SLC26A7: variants seen among roughly 807,000 people sequenced by gnomAD.
SLC26A7 encodes anion exchange transporter.
Under a neutral mutation model 82.5 loss-of-function variants are expected in SLC26A7, and 59 were observed. That is an observed-to-expected ratio of 0.72 (90% CI 0.58 to 0.89). SLC26A7 has a LOEUF of 0.89. SLC26A7 is among the 40% of genes least tolerant of loss of function. SLC26A7 has a pLI of 0.00. For missense variants in SLC26A7, 820 were observed against 793.0 expected (o/e 1.03, Z -0.41); for synonymous variants, 271 against 274.3 (o/e 0.99, Z 0.12).
intron 4 of SLC26A7, among the ~76,000 whole-genome samples, chr8:91,305,127 T>C (rs1812268636): frequency 6.6e-6 from 1 of 152,178 alleles, no homozygotes; most frequent in South Asian, 2.1e-4. Flanking sequence ...GTCTCTATAA[T>C]TCCAACAGCT....
intron 1 of SLC26A7, chr8:91,209,559 A>G (rs569523444): frequency 2.8e-4 from 43 of 152,392 alleles, no homozygotes; most frequent in African/African-American, 9.9e-4. Flanking sequence ...GTGCTATAGA[A>G]TATTCTTTGG....
chr8:91,292,287 G>A (rs1310492278), intron 3 of SLC26A7, among the ~76,000 whole-genome samples: 13 of 149,516 alleles, frequency 8.7e-5, no homozygotes, highest in African/African-American at 3.0e-4. Flanking sequence ...GCCTGGGCGA[G>A]AGTGCGAGAC....
At position 91,333,959 on chromosome 8, in the gene SLC26A7, G is replaced by T. The variant is rs80041532; in HGVS notation, c.643-336G>T. Among the ~76,000 whole-genome samples the T allele has an allele frequency of 2.8e-3, 429 of 152,254 alleles. 3 individuals are homozygous for T. The highest frequency in any genetic ancestry group is 9.8e-3 in the African/African-American group (408 of 41,544). On this transcript the variant is annotated intron_variant, in intron 5 of 18. Transcript: ENST00000276609. ...TTGGGGAACCCATGGTCCCCTGACC[G>T]CTGTTAATGATGAATCTGCATATAA... is the stretch of plus-strand genomic sequence containing the variant.
At chr8:91,392,090 G>A (rs1235725601) in intron 16 of SLC26A7, among the ~76,000 whole-genome samples, 2 of 152,126 alleles carry the variant, frequency 1.3e-5, no homozygotes, top group African/African-American at 4.8e-5. Flanking sequence ...ACACTGGAAT[G>A]ACAGGATCAA....
chr8:91,308,246 GGTGTGTGT>G (rs35920887), intron 4 of SLC26A7, among the ~76,000 whole-genome samples: 59 of 145,748 alleles, frequency 4.0e-4, no homozygotes, highest in South Asian at 1.8e-3. Context: ...AGGAGGAAGA[GGTGTGTGT>G]GTGTGTGTGT....
At chr8:91,249,970 A>G (rs979292890) in intron 2 of SLC26A7, 126 bp downstream of exon 2, 1 of 658,420 alleles carries the variant, frequency 1.5e-6, no homozygotes, top group Non-Finnish European at 2.3e-6. Flanking sequence ...TGGGGAAACA[A>G]GCATATTGGA....
intron 13 of SLC26A7, among the ~76,000 whole-genome samples, chr8:91,364,958 G>A (rs77583282): frequency 0.016 from 2,477 of 152,164 alleles, 59 homozygotes; most frequent in African/African-American, 0.057. Flanking sequence ...CTAAGATAAA[G>A]CAAGATTTGA....
At position 91,268,334 on chromosome 8, in the gene SLC26A7, T is replaced by A. The variant is rs141992333; in HGVS notation, c.193+18490T>A. On this transcript the variant is annotated intron_variant, in intron 2 of 18. Coordinates refer to ENST00000276609, the MANE Select transcript of SLC26A7 (RefSeq NM_052832.4). The stretch of plus-strand genomic sequence containing the variant: ...TGCTCCAGTATTGGGTGTATATATA[T>A]TTGAAAAGGTTATAGCCTCTTGGTA... Among the ~76,000 whole-genome samples, 80 of 151,972 alleles carry A rather than the reference T, an allele frequency of 5.3e-4. 1 individual carries two copies. The East Asian group carries it at 0.014, about 28-fold the overall frequency.
At chr8:91,223,597 A>G (rs1275906687) in intron 2 of SLC26A7, among the ~76,000 whole-genome samples, 5 of 152,148 alleles carry the variant, frequency 3.3e-5, no homozygotes, top group Non-Finnish European at 7.4e-5. Context: ...ACCTTTCTCT[A>G]TGGCTGCCCT....
intron 13 of SLC26A7, among the ~76,000 whole-genome samples, chr8:91,366,289 A>C (rs1392736837): frequency 6.6e-6 from 1 of 152,048 alleles, no homozygotes; most frequent in Non-Finnish European, 1.5e-5. Flanking sequence ...ACTTCCTGGA[A>C]CTCTTTGGAT....
intron 15 of SLC26A7, among the ~76,000 whole-genome samples, chr8:91,370,528 A>G (rs1814328774): frequency 1.3e-5 from 2 of 152,086 alleles, no homozygotes; most frequent in African/African-American, 4.8e-5. Context: ...AAGCTATTAC[A>G]TGTTCAGATT....
chr8:91,258,142 G>A (rs1409046808), intron 2 of SLC26A7, among the ~76,000 whole-genome samples: 2 of 151,940 alleles, frequency 1.3e-5, no homozygotes, highest in Admixed American at 1.3e-4. Flanking sequence ...TGAGATTTTG[G>A]GGGGTCACAG....
chr8:91,235,436 T>G (rs1388992954), intron 2 of SLC26A7, among the ~76,000 whole-genome samples: 1 of 152,194 alleles, frequency 6.6e-6, no homozygotes, highest in African/African-American at 2.4e-5. Context: ...GTTCATATCT[T>G]TACTCATTTA....
At chr8:91,301,643 C>G (rs1428983138) in intron 4 of SLC26A7, among the ~76,000 whole-genome samples, 2 of 151,700 alleles carry the variant, frequency 1.3e-5, no homozygotes, top group African/African-American at 2.4e-5. Flanking sequence ...TATTTTGTTA[C>G]TTTTTTAAGA....
At chr8:91,279,207 C>T (rs1027459183) in intron 2 of SLC26A7, among the ~76,000 whole-genome samples, 7 of 143,170 alleles carry the variant, frequency 4.9e-5, no homozygotes, top group Non-Finnish European at 1.0e-4. Context: ...TTGATGGACA[C>T]TTAAGTTGAT....
At chr8:91,324,098 A>T (rs1348895868) in intron 5 of SLC26A7, among the ~76,000 whole-genome samples, 1 of 152,090 alleles carries the variant, frequency 6.6e-6, no homozygotes, top group Non-Finnish European at 1.5e-5. Context: ...AAGTGCTGGG[A>T]TTACAGGCAT....
At chr8:91,263,483 C>T (rs1811024520) in intron 2 of SLC26A7, among the ~76,000 whole-genome samples, 1 of 152,094 alleles carries the variant, frequency 6.6e-6, no homozygotes, top group Admixed American at 6.6e-5. Context: ...TCTCCCTTTA[C>T]TATGGCATTT....
At chr8:91,271,930 A>G (rs1163954782) in intron 2 of SLC26A7, among the ~76,000 whole-genome samples, 6 of 152,140 alleles carry the variant, frequency 3.9e-5, no homozygotes, top group Admixed American at 3.9e-4. Flanking sequence ...TCACAAAAAC[A>G]CTGAAACATG....
chr8:91,310,235 C>T (rs577789417), intron 4 of SLC26A7, among the ~76,000 whole-genome samples: 10 of 152,264 alleles, frequency 6.6e-5, no homozygotes, highest in East Asian at 3.9e-4. Context: ...ATAACATTTC[C>T]GCCAACAGGC....
Sources: gnomAD v4.1 joint callset for allele counts (sites outside exome capture counted in the v4.1 genomes callset) on GRCh38, gnomAD v4.1.1 for gene constraint, MANE v1.5 for transcripts, NCBI Gene and HGNC (gene_info 2026-07-23, HGNC 2026-07-21) for gene names.